The following CDHR2 variants were observed in gnomAD, a reference collection of about 807,000 sequenced individuals.
CDHR2 encodes cadherin related family member 2, also known as cadherin-related family member 2.
CDHR2 carries 104 observed loss-of-function variants against 138.6 expected under a neutral mutation model. The ratio of observed to expected loss-of-function variants is 0.75; its 90% confidence interval spans 0.64 to 0.88. The LOEUF is 0.88. Ranked by LOEUF, CDHR2 falls within the 40% of genes least tolerant of loss-of-function variation. The pLI, the probability that CDHR2 is intolerant of heterozygous loss-of-function variation, is 0.00. For missense variants in CDHR2, 1,624 were observed against 1,727.6 expected (o/e 0.94, Z 1.06); for synonymous variants, 755 against 742.8 (o/e 1.02, Z -0.27).
chr5:176,548,374 G>A (rs1757629732), upstream of CDHR2, among the ~76,000 whole-genome samples: 1 of 152,230 alleles, frequency 6.6e-6, no homozygotes, highest in Non-Finnish European at 1.5e-5. Flanking sequence ...TGTGATGGCT[G>A]GGCCAAAGTG....
At chr5:176,592,826 C>T (rs1374944223) in intron 31 of CDHR2, 46 bp downstream of exon 31, 3 of 1,554,922 alleles carry the variant, frequency 1.9e-6, no homozygotes, top group Non-Finnish European at 2.7e-6. Context: ...AACTTGGGTT[C>T]TTCTGTGGAG....
At chr5:176,545,326 G>A (rs1757560965), upstream of CDHR2, among the ~76,000 whole-genome samples, 1 of 152,104 alleles carries the variant, frequency 6.6e-6, no homozygotes, top group Admixed American at 6.5e-5. Flanking sequence ...GTTTCACCAT[G>A]TTCTACGTTT....
Position 176,566,551 on chromosome 5 carries a change from G to A in CDHR2, c.124+808G>A, listed in dbSNP as rs143958440. Among the ~76,000 whole-genome samples the A allele has an allele frequency of 4.9e-3, 753 of 152,192 alleles. 13 individuals are homozygous for A. Among genetic ancestry groups the A allele is most frequent in the Admixed American group, 0.022 (339 of 15,300 alleles). ...CTCGTGGCCGCCCAGGAGCCCGGAC[G>A]GAGCTGTGGGGGCATGTCCCATCAG... On this transcript the variant is annotated intron_variant, in intron 3 of 31. Coordinates refer to ENST00000261944, the MANE Select transcript of CDHR2 (RefSeq NM_017675.6).
At chr5:176,561,891 T>G (rs938997276) in intron 1 of CDHR2, among the ~76,000 whole-genome samples, 10 of 152,086 alleles carry the variant, frequency 6.6e-5, no homozygotes, top group Non-Finnish European at 1.5e-4. Flanking sequence ...CCACCTGCCT[T>G]GGCCTCCCAA....
In CDHR2 at chr5:176,577,512, C is replaced by T. The variant is rs550883680; in HGVS notation, c.1308C>T (p.Ser436=). 101 of 1,612,890 alleles carry T rather than the reference C, an allele frequency of 6.3e-5. No individual in the cohort carries two copies. Among genetic ancestry groups the T allele is most frequent in the African/African-American group, 8.0e-5 (6 of 75,032 alleles). Residue 436 remains serine (S), a synonymous_variant, in exon 13 of 32, where the codon TCC becomes TCT. Transcript: ENST00000261944. ...CCGTTCAGGTGCTGGTGAGAGTATCCGCGCTGGTGGACTACGAGAGGCAGA... is the reference window on the plus strand; with the variant it reads ...CCGTTCAGGTGCTGGTGAGAGTATCTGCGCTGGTGGACTACGAGAGGCAGA... The part of the protein sequence containing the change: ...SASVQVLVRV[S]ALVDYERQTA...
chr5:176,568,852 G>T lies in CDHR2; in HGVS notation c.264+35G>T, dbSNP rs111937455. ...ATCAGCCGGAGAGGGCACGGGACGC[G>T]GAGGGGGTGCTGGGAGGGCCCTGGG... On this transcript the variant is annotated intron_variant, in intron 4 of 31. Transcript: ENST00000261944. 5.1e-5 allele frequency: 83 copies of T among 1,612,702 alleles called. 1 individual carries two copies. The Middle Eastern group carries it at 1.3e-3, about 26-fold the overall frequency.
chr5:176,581,730 C>A, intron 17 of CDHR2, 148 bp downstream of exon 17: 1 of 1,007,046 alleles, frequency 9.9e-7, no homozygotes, highest in Non-Finnish European at 1.4e-6. Flanking sequence ...ATTACTCAAC[C>A]TCCCTAGGCA....
chr5:176,562,027 A>G (rs4868651), intron 1 of CDHR2, among the ~76,000 whole-genome samples: 69,983 of 151,806 alleles, frequency 0.46, 16,683 homozygotes, highest in Admixed American at 0.54. Context: ...CAGTAGTGAG[A>G]GCAGGCAGAG....
chr5:176,588,486 TAA>T (rs1758734680), intron 21 of CDHR2, among the ~76,000 whole-genome samples: 4 of 146,142 alleles, frequency 2.7e-5, no homozygotes, highest in South Asian at 4.4e-4. Context: ...TGTGAGAGGA[TAA>T]GTGTGTGAGG....
chr5:176,578,713 T>G (rs1179293411), intron 16 of CDHR2, 105 bp downstream of exon 16: 3 of 1,468,408 alleles, frequency 2.0e-6, no homozygotes, highest in East Asian at 2.3e-5. Flanking sequence ...TGTGTGGCTC[T>G]GAGACAGTCA....
intron 3 of CDHR2, among the ~76,000 whole-genome samples, chr5:176,566,462 T>C (rs1034988249): frequency 6.6e-6 from 1 of 152,170 alleles, no homozygotes; most frequent in Admixed American, 6.5e-5. Context: ...AAACCATAGG[T>C]GGCCGGGTTG....
At chr5:176,563,781 C>T (rs894625560) in intron 1 of CDHR2, among the ~76,000 whole-genome samples, 5 of 152,106 alleles carry the variant, frequency 3.3e-5, no homozygotes, top group East Asian at 1.9e-4. Context: ...CAAGTGGGGC[C>T]GTTTAGTCAG....
chr5:176,579,603 G>A (rs963584020), intron 16 of CDHR2, among the ~76,000 whole-genome samples: 3 of 152,164 alleles, frequency 2.0e-5, no homozygotes, highest in African/African-American at 7.2e-5. Context: ...TGAGTTCAGG[G>A]CACCAAAGGA....
intron 2 of CDHR2, 45 bp downstream of exon 2, chr5:176,565,449 C>T (rs1316236796): frequency 5.1e-6 from 8 of 1,570,460 alleles, no homozygotes; most frequent in African/African-American, 1.4e-5. Flanking sequence ...ACCTAGAGAC[C>T]CTTGGCAGGA....
rs1294517139 is a variant in CDHR2, at chr5:176,589,421, G to GCCA, written c.3109_3111dup (p.Thr1037dup). The GCCA allele has an allele frequency of 3.1e-6, 5 of 1,591,186 alleles. No individual in the cohort carries two copies. The East Asian group carries it at 1.1e-4, about 36-fold the overall frequency. ...ACCTTCCTTGGGTCCTTTCCTGGAA[G>GCCA]CCACCACCACCCTGAATGTGAGTGC... On this transcript the variant is annotated inframe_insertion, in exon 23 of 32. Transcript: ENST00000261944.
In CDHR2 at chr5:176,581,519, G is replaced by A. The variant is rs151117182; in HGVS notation, c.1995G>A (p.Val665=). 4.1e-5 allele frequency: 66 copies of A among 1,614,032 alleles called. No individual in the cohort carries two copies. Among genetic ancestry groups the A allele is most frequent in the Non-Finnish European group, 5.4e-5 (64 of 1,180,052 alleles). The change falls in exon 17 of 32, where the codon GTG becomes GTA. Residue 665 remains valine (V), a synonymous_variant. Transcript: ENST00000261944. ...PALEGRIVLT[V]LVSDCGEPVL... The stretch of plus-strand genomic sequence containing the variant: ...TGGAGGGCCGCATTGTGCTGACAGT[G>A]CTTGTGTCTGACTGCGGCGAGCCTG...
chr5:176,573,416 G>C (rs1408823555), intron 6 of CDHR2, among the ~76,000 whole-genome samples: 1 of 151,926 alleles, frequency 6.6e-6, no homozygotes, highest in Non-Finnish European at 1.5e-5. Flanking sequence ...GAGGCGGGTG[G>C]ATCACCTGAG....
chr5:176,589,368 A>C lies in CDHR2; in HGVS notation c.3047A>C (p.Tyr1016Ser). 6.4e-7 allele frequency: 1 copy of C among 1,559,176 alleles called. No individual in the cohort carries two copies. The highest frequency in any genetic ancestry group is 8.7e-7 in the Non-Finnish European group (1 of 1,151,858). ...CTCGACTCCACTCTCCAAGGCACCT[A>C]CCAAGTGACAGTCCAGGCCAGGGAC... ...TSLDSTLQGT[Y>S]QVTVQARDRP... Residue 1016 changes from tyrosine (Y) to serine (S), a missense_variant, in exon 23 of 32, where the codon TAC becomes TCC. By Grantham distance (144) the Tyr-to-Ser change is moderately radical. Around this residue, in one of 3 missense-constraint regions of CDHR2, gnomAD observed 556 missense variants for 565.7 expected, o/e 0.98. Coordinates refer to ENST00000261944, the MANE Select transcript of CDHR2 (RefSeq NM_017675.6).
chr5:176,588,704 TGTGTGTGA>T (rs1487945194), intron 21 of CDHR2, among the ~76,000 whole-genome samples: 2 of 105,990 alleles, frequency 1.9e-5, no homozygotes, highest in Non-Finnish European at 4.2e-5. Context: ...AGAGAGACTG[TGTGTGTGA>T]GTGTGTGTGT....
Sources: allele counts gnomAD v4.1 joint callset (sites outside exome capture counted in the v4.1 genomes callset), GRCh38; gene constraint gnomAD v4.1.1; regional missense constraint gnomAD v4.1.1; transcripts MANE v1.5; gene names NCBI Gene and HGNC (gene_info 2026-07-23, HGNC 2026-07-21).